The following CFAP299 variants were observed in gnomAD, a reference collection of about 807,000 sequenced individuals.
CFAP299 encodes cilia- and flagella-associated protein 299.
Under a neutral mutation model 27.0 loss-of-function variants are expected in CFAP299, and 21 were observed. The observed-to-expected ratio is 0.78, with a 90% CI of 0.55 to 1.12. CFAP299 has a LOEUF of 1.12. Ranked by LOEUF, CFAP299 falls within the 50% of genes most tolerant of loss-of-function variation. The pLI is 0.00. For synonymous variants in CFAP299, 104 were observed against 98.1 expected (o/e 1.06, Z -0.36); for missense variants, 310 against 276.6 (o/e 1.12, Z -0.86).
At chr4:80,704,509 G>T (rs1721705940) in intron 3 of CFAP299, among the ~76,000 whole-genome samples, 1 of 151,646 alleles carries the variant, frequency 6.6e-6, no homozygotes, top group African/African-American at 2.4e-5. Context: ...TTGCATTTAA[G>T]AAATCTCATA....
chr4:80,648,885 A>C (rs929082248), intron 3 of CFAP299: 11 of 152,124 alleles, frequency 7.2e-5, no homozygotes, highest in Non-Finnish European at 1.0e-4. Context: ...AGATGTTTCA[A>C]ATTCTCTATT....
At chr4:80,908,439 G>A (rs1735295001) in intron 4 of CFAP299, among the ~76,000 whole-genome samples, 1 of 152,126 alleles carries the variant, frequency 6.6e-6, no homozygotes, top group Admixed American at 6.5e-5. Context: ...TGAGAATATT[G>A]ATTTAGCATG....
At chr4:80,533,062 C>A (rs1454696743) in intron 2 of CFAP299, among the ~76,000 whole-genome samples, 1 of 152,118 alleles carries the variant, frequency 6.6e-6, no homozygotes, top group African/African-American at 2.4e-5. Flanking sequence ...GTATACTAAG[C>A]TTTATTGAAT....
chr4:80,814,945 A>T (rs558881961), intron 3 of CFAP299, among the ~76,000 whole-genome samples: 5 of 152,196 alleles, frequency 3.3e-5, no homozygotes, highest in African/African-American at 1.2e-4. Flanking sequence ...ACATAGACAC[A>T]CAGCCATCAC....
At chr4:80,364,207 G>T (rs955907877) in intron 2 of CFAP299, among the ~76,000 whole-genome samples, 5 of 151,648 alleles carry the variant, frequency 3.3e-5, no homozygotes, top group African/African-American at 1.2e-4. Context: ...GGTGTAGGCT[G>T]GATGGCATTC....
intron 3 of CFAP299, among the ~76,000 whole-genome samples, chr4:80,705,654 C>A (rs1438170428): frequency 6.6e-6 from 1 of 151,796 alleles, no homozygotes; most frequent in African/African-American, 2.4e-5. Flanking sequence ...TCTATCTAAC[C>A]CCAATCTCCA....
chr4:80,630,484 GACT>G (rs1423292219), intron 3 of CFAP299, among the ~76,000 whole-genome samples: 1 of 151,928 alleles, frequency 6.6e-6, no homozygotes, highest in African/African-American at 2.4e-5. Context: ...TTAGAGTGAT[GACT>G]ACATTAATAA....
At chr4:80,444,807 A>G (rs1728535800) in intron 2 of CFAP299, among the ~76,000 whole-genome samples, 1 of 152,202 alleles carries the variant, frequency 6.6e-6, no homozygotes, top group East Asian at 1.9e-4. Context: ...TCCAGAATCT[A>G]CAAGGAACTT....
At chr4:80,544,811 A>G (rs1734153109) in intron 2 of CFAP299, among the ~76,000 whole-genome samples, 1 of 152,202 alleles carries the variant, frequency 6.6e-6, no homozygotes, top group South Asian at 2.1e-4. Flanking sequence ...TTATTGAGGC[A>G]GAAAAGTAAC....
intron 3 of CFAP299, among the ~76,000 whole-genome samples, chr4:80,638,037 T>C (rs2109955364): frequency 6.6e-6 from 1 of 152,366 alleles, no homozygotes; most frequent in East Asian, 1.9e-4. Flanking sequence ...ATTTGGTGGC[T>C]ACAGGAAATC....
At chr4:80,715,592 A>G (rs998547523) in intron 3 of CFAP299, among the ~76,000 whole-genome samples, 13 of 152,212 alleles carry the variant, frequency 8.5e-5, no homozygotes, top group African/African-American at 3.1e-4. Context: ...AATATATTCA[A>G]TTTACCATCA....
intron 2 of CFAP299, chr4:80,386,754 G>T: frequency 6.8e-7 from 1 of 1,461,474 alleles, no homozygotes; most frequent in Non-Finnish European, 9.6e-7. Context: ...TGGGCCTTCA[G>T]CTTGTCCGGC....
intron 3 of CFAP299, among the ~76,000 whole-genome samples, chr4:80,689,686 A>G (rs1258395512): frequency 7.2e-5 from 11 of 152,326 alleles, no homozygotes; most frequent in African/African-American, 2.4e-4. Flanking sequence ...AAATTCACAC[A>G]TAACAATATT....
intron 3 of CFAP299, among the ~76,000 whole-genome samples, chr4:80,689,128 A>T (rs1420952861): frequency 1.3e-5 from 2 of 152,208 alleles, no homozygotes; most frequent in East Asian, 3.9e-4. Flanking sequence ...GCAGGATATT[A>T]TCCAGGAGAA....
At chr4:80,931,461 G>A (rs931594930) in intron 4 of CFAP299, among the ~76,000 whole-genome samples, 37 of 152,230 alleles carry the variant, frequency 2.4e-4, no homozygotes, top group African/African-American at 8.9e-4. Context: ...CATGAACGAT[G>A]TCAAGTATTT....
intron 3 of CFAP299, among the ~76,000 whole-genome samples, chr4:80,701,549 A>G (rs1365126295): frequency 6.6e-6 from 1 of 151,886 alleles, no homozygotes; most frequent in Non-Finnish European, 1.5e-5. Context: ...ATGTAAGTCC[A>G]TTTATCTACA....
chr4:80,536,706 A>G (rs1733755516), intron 2 of CFAP299, among the ~76,000 whole-genome samples: 1 of 152,162 alleles, frequency 6.6e-6, no homozygotes, highest in Non-Finnish European at 1.5e-5. Context: ...TGTAACAAAA[A>G]TCAACTCAAA....
At chr4:80,549,046 A>G (rs984685505) in intron 2 of CFAP299, among the ~76,000 whole-genome samples, 2 of 152,102 alleles carry the variant, frequency 1.3e-5, no homozygotes, top group Admixed American at 6.6e-5. Context: ...GTGTGGGAGG[A>G]GAGTAGTGAG....
At chr4:80,327,719 TATAACTTCAATAC>T in the CFAP299 span, among the ~76,000 whole-genome samples, 2 of 138,320 alleles carry the variant, frequency 1.4e-5, no homozygotes, top group East Asian at 2.0e-4. Flanking sequence ...TATATATATA[TATAACTTCAATAC>T]ATATATATAT....
Sources: allele counts gnomAD v4.1 joint callset (sites outside exome capture counted in the v4.1 genomes callset), GRCh38; gene constraint gnomAD v4.1.1; transcripts MANE v1.5; gene names NCBI Gene and HGNC (gene_info 2026-07-23, HGNC 2026-07-21).